The following RABGAP1L variants were observed in gnomAD, a reference collection of about 807,000 sequenced individuals.
RABGAP1L encodes the protein RAB GTPase activating protein 1 like, also known as rab GTPase-activating protein 1-like.
RABGAP1L carries 63 observed loss-of-function variants against 137.7 expected under a neutral mutation model. The observed-to-expected ratio is 0.46, with a 90% CI of 0.37 to 0.56. The LOEUF (loss-of-function observed/expected upper bound fraction) is 0.56. Ranked by LOEUF, RABGAP1L falls within the 20% of genes least tolerant of loss-of-function variation. The probability of loss-of-function intolerance (pLI) is 0.00; values close to 1 mark genes in which losing one functional copy is unlikely to be tolerated. For synonymous variants in RABGAP1L, 431 were observed against 433.7 expected, an observed-to-expected ratio of 0.99 and a Z score of 0.08; for missense variants, 1,095 against 1,244.0, an observed-to-expected ratio of 0.88 and a Z score of 1.80.
intron 13 of RABGAP1L, 150 bp downstream of exon 13, chr1:174,394,295 C>A (rs1202720167): frequency 9.3e-6 from 8 of 858,712 alleles, no homozygotes; most frequent in Non-Finnish European, 1.4e-5. Flanking sequence ...TTGTTCTGAA[C>A]ACTTGTAGTG....
intron 10 of RABGAP1L, among the ~76,000 whole-genome samples, chr1:174,293,923 T>C (rs1025557930): frequency 6.6e-6 from 1 of 152,054 alleles, no homozygotes; most frequent in Non-Finnish European, 1.5e-5. Flanking sequence ...AATGGAACAA[T>C]AGAAGTATAT....
chr1:174,428,693 A>G (rs191490477), intron 13 of RABGAP1L, among the ~76,000 whole-genome samples: 111 of 151,292 alleles, frequency 7.3e-4, no homozygotes, highest in Non-Finnish European at 8.7e-4. Flanking sequence ...TTTCATCGGG[A>G]AAAAAAAAGT....
At chr1:174,352,990 C>A (rs57941293) in intron 11 of RABGAP1L, among the ~76,000 whole-genome samples, 2 of 152,268 alleles carry the variant, frequency 1.3e-5, no homozygotes, top group African/African-American at 4.8e-5. Context: ...ACAACCATTT[C>A]TGTGGCCACC....
intron 21 of RABGAP1L, among the ~76,000 whole-genome samples, chr1:174,972,853 CA>C (rs373159573): frequency 7.7e-3 from 405 of 52,774 alleles, no homozygotes; most frequent in East Asian, 0.026. Context: ...GACTCTGTCT[CA>C]AAAAAAAAAA....
At chr1:174,295,929 T>C (rs143159522) in intron 10 of RABGAP1L, among the ~76,000 whole-genome samples, 1 of 152,238 alleles carries the variant, frequency 6.6e-6, no homozygotes, top group East Asian at 1.9e-4. Flanking sequence ...AAGTGGTCAG[T>C]GTTGAGAATG....
At chr1:174,679,301 G>C (rs1572780964) in intron 14 of RABGAP1L, among the ~76,000 whole-genome samples, 2 of 152,238 alleles carry the variant, frequency 1.3e-5, no homozygotes, top group East Asian at 3.9e-4. Flanking sequence ...GGGATTCTTA[G>C]TCAGCCTAGG....
intron 1 of RABGAP1L, among the ~76,000 whole-genome samples, chr1:174,202,835 G>T (rs544524244): frequency 1.3e-5 from 2 of 152,104 alleles, no homozygotes; most frequent in Admixed American, 6.5e-5. Flanking sequence ...TGTATAAGGT[G>T]TAAGGAAGGG....
chr1:174,472,556 A>T (rs1327755409), intron 13 of RABGAP1L, among the ~76,000 whole-genome samples: 2 of 152,222 alleles, frequency 1.3e-5, no homozygotes, highest in Non-Finnish European at 2.9e-5. Flanking sequence ...CATGGGGCAA[A>T]GTCTGGAGGA....
At chr1:174,903,950 CAAAAG>C (rs1658577217) in intron 19 of RABGAP1L, among the ~76,000 whole-genome samples, 1 of 95,654 alleles carries the variant, frequency 1.0e-5, no homozygotes, top group African/African-American at 4.0e-5. Flanking sequence ...AACTCTGTCT[CAAAAG>C]AAAAAAAAAA....
At chr1:174,685,278 A>T (rs1678374543) in intron 15 of RABGAP1L, among the ~76,000 whole-genome samples, 2 of 152,110 alleles carry the variant, frequency 1.3e-5, no homozygotes, top group Non-Finnish European at 2.9e-5. Flanking sequence ...TTAGAGACAG[A>T]GTCTCACTCT....
chr1:174,540,517 G>T (rs1171352834), intron 13 of RABGAP1L, among the ~76,000 whole-genome samples: 2 of 152,178 alleles, frequency 1.3e-5, no homozygotes, highest in African/African-American at 2.4e-5. Context: ...CGTATGGCTA[G>T]CCAGTTTTCC....
At chr1:174,292,114 T>C (rs1052316249) in intron 10 of RABGAP1L, among the ~76,000 whole-genome samples, 2 of 149,920 alleles carry the variant, frequency 1.3e-5, no homozygotes, top group Admixed American at 1.3e-4. Context: ...CATAGTTCAC[T>C]GTAGTGTTGA....
rs550726903 is a variant in RABGAP1L at position 174,849,009 on chromosome 1, G to A, written c.2340+37049G>A. 6.1e-4 allele frequency among the ~76,000 whole-genome samples: 91 copies of A among 150,410 alleles called. 1 individual carries two copies. The highest frequency in any genetic ancestry group is 1.3e-3 in the African/African-American group (52 of 40,934). ...CGATTTTCCAGGTGCGTCCGTCACC[G>A]CTTTCTTTGACTCAGAAAGGGAACT... On this transcript the variant is annotated intron_variant, in intron 19 of 25. Transcript: ENST00000681986.
At chr1:174,878,244 G>T (rs1235205418) in intron 19 of RABGAP1L, among the ~76,000 whole-genome samples, 1 of 151,718 alleles carries the variant, frequency 6.6e-6, no homozygotes, top group East Asian at 1.9e-4. Flanking sequence ...ACTTTTTTTT[G>T]AGATGGAGTT....
At chr1:174,946,931 T>A (rs1401992734) in intron 19 of RABGAP1L, among the ~76,000 whole-genome samples, 3 of 73,500 alleles carry the variant, frequency 4.1e-5, no homozygotes, top group East Asian at 6.2e-4. Flanking sequence ...TATATATATA[T>A]ATATATATAT....
At chr1:174,600,850 A>G (rs1284944584) in intron 13 of RABGAP1L, among the ~76,000 whole-genome samples, 3 of 152,090 alleles carry the variant, frequency 2.0e-5, no homozygotes, top group African/African-American at 7.2e-5. Context: ...TGGTGGCCCT[A>G]TTCTCACAAC....
intron 18 of RABGAP1L, among the ~76,000 whole-genome samples, chr1:174,767,161 A>G (rs955575977): frequency 6.6e-6 from 1 of 152,172 alleles, no homozygotes; most frequent in African/African-American, 2.4e-5. Context: ...GTATAAAACT[A>G]AGCTGTTCTC....
At chr1:174,447,893 C>A in intron 13 of RABGAP1L, among the ~76,000 whole-genome samples, 2 of 121,118 alleles carry the variant, frequency 1.7e-5, no homozygotes, top group African/African-American at 6.1e-5. Flanking sequence ...CCTTACCGCC[C>A]CCCCCCCACC....
intron 13 of RABGAP1L, chr1:174,449,005 G>A: frequency 1.2e-6 from 2 of 1,613,542 alleles, no homozygotes; most frequent in Non-Finnish European, 1.7e-6. Context: ...ATCCAACTCT[G>A]TCCTTCTTAA....
Sources: allele counts gnomAD v4.1 joint callset (sites outside exome capture counted in the v4.1 genomes callset), GRCh38; gene constraint gnomAD v4.1.1; transcripts MANE v1.5; gene names NCBI Gene and HGNC (gene_info 2026-07-23, HGNC 2026-07-21).